Variants in FKBP15 observed in about 807,000 individuals in gnomAD.
FKBP15 encodes the protein FKBP prolyl isomerase family member 15.
In FKBP15, 106 loss-of-function variants were observed where a neutral mutation model predicts 158.1. The observed-to-expected ratio is 0.67, with a 90% CI of 0.57 to 0.79. The LOEUF (loss-of-function observed/expected upper bound fraction) is 0.79, where lower values mean the gene tolerates loss of function less well. Ranked by LOEUF, FKBP15 falls within the 30% of genes least tolerant of loss-of-function variation. The pLI is 0.00. For synonymous variants in FKBP15, 547 were observed against 548.6 expected, an observed-to-expected ratio of 1.00 and a Z score of 0.04; for missense variants, 1,287 against 1,479.1, an observed-to-expected ratio of 0.87 and a Z score of 2.13.
Position 113,199,897 on chromosome 9 carries a change from C to T in FKBP15, c.565G>A (p.Ala189Thr). 6.2e-7 allele frequency: 1 copy of T among 1,613,346 alleles called. No homozygotes were observed. The highest frequency in any genetic ancestry group is 1.3e-5 in the African/African-American group (1 of 75,030). ...CCAACTTCTACAGCAGGGCCGTCTGCCACAATGAGGTCCTGGGAGAGCACT... is the reference window on the plus strand; with the variant it reads ...CCAACTTCTACAGCAGGGCCGTCTGTCACAATGAGGTCCTGGGAGAGCACT... ...DAVLSQDLIV[A>T]DGPAVEVGDS... The change falls in exon 7 of 28, where the codon GCA (alanine) becomes ACA (threonine). Residue 189 changes from alanine to threonine, a missense_variant. Transcript: ENST00000238256.
Position 113,184,479 on chromosome 9 carries a change from G to T in FKBP15, c.1609-80C>A. ...AATTTACCCAAGATTTGACCCTGTTGTTAAGGGGGTTAATGAGTTCCTGGG... is the reference window on the plus strand; with the variant it reads ...AATTTACCCAAGATTTGACCCTGTTTTTAAGGGGGTTAATGAGTTCCTGGG... On this transcript the variant is annotated intron_variant, in intron 16 of 27. Transcript: ENST00000238256. The surrounding 1 kb of genome is among the most constrained non-coding windows in gnomAD (Gnocchi z 4.5). 8.6e-7 allele frequency: 1 copy of T among 1,162,710 alleles called. No individual in the cohort carries two copies. The highest frequency in any genetic ancestry group is 1.3e-6 in the Non-Finnish European group (1 of 796,808). The allele number at this position is 1,162,710 out of a possible 1,614,324, so 72.0% of individuals were successfully genotyped here.
chr9:113,183,299 C>T (rs1455602420), intron 18 of FKBP15, among the ~76,000 whole-genome samples: 1 of 152,036 alleles, frequency 6.6e-6, no homozygotes, highest in Non-Finnish European at 1.5e-5. Context: ...CCTCCCCACC[C>T]ACCCCTCCAA....
chr9:113,165,175 CT>C lies in FKBP15; in HGVS notation c.*902del, dbSNP rs1830079329. Reference sequence around the variant, plus strand: ...ATGAGTTCTAAGGGAATGGAAGCTGCTCTCAAAGTGAAGAATCCCTCAGGTG... The same window carrying C: ...ATGAGTTCTAAGGGAATGGAAGCTGCCTCAAAGTGAAGAATCCCTCAGGTG... On this transcript the variant is annotated 3_prime_UTR_variant, in exon 28 of 28. Transcript: ENST00000238256. 1 of 152,152 alleles carries C rather than the reference CT, an allele frequency of 6.6e-6. No individual in the cohort carries two copies. Among genetic ancestry groups the C allele is most frequent in the Admixed American group, 6.5e-5 (1 of 15,278 alleles). The allele number at this position is 152,152 out of a possible 1,614,324, so 9.4% of individuals were successfully genotyped here. A position where few individuals can be genotyped will look rare whatever the true frequency, so the allele number is the denominator to read the frequency against.
chr9:113,194,167 C>A lies in FKBP15; in HGVS notation c.867G>T (p.Val289=). ...ILVFEVEVRR[V]KFARDSGSDG... ...CAGAGCCAGAATCTCTGGCAAACTT[C>A]ACCTAAGGAAACACCGCATATTCTC... The change falls in exon 10 of 28, where the codon GTG becomes GTT. Residue 289 remains valine (V), a splice_region_variant and synonymous_variant. Coordinates refer to ENST00000238256, the MANE Select transcript of FKBP15 (RefSeq NM_015258.2). 6.2e-7 allele frequency: 1 copy of A among 1,606,366 alleles called. No individual in the cohort carries two copies. Among genetic ancestry groups the A allele is most frequent in the Non-Finnish European group, 8.5e-7 (1 of 1,175,642 alleles).
rs776093166 is a variant in FKBP15, at chr9:113,174,578, G to A, written c.2229C>T (p.Leu743=). 15 of 1,613,624 alleles carry A rather than the reference G, an allele frequency of 9.3e-6. No homozygotes were observed. In the South Asian group the frequency reaches 1.6e-4, roughly 18 times the overall value. Residue 743 remains leucine (L), a synonymous_variant, in exon 22 of 28, where the codon CTC becomes CTT. Transcript: ENST00000238256. ...RVEKESLEKN[L]SERKKKSAQE... ...GAGCTGACTTCTTTTTCCTTTCTGA[G>A]AGGTTCTTAGGAACAAGAGAACCAT...
chr9:113,202,685 A>G (rs1830816649), intron 5 of FKBP15, 56 bp from the exon 6 acceptor site: 1 of 1,366,382 alleles, frequency 7.3e-7, no homozygotes. Context: ...CCAGATAAAC[A>G]TGACGGCCTA....
intron 2 of FKBP15, among the ~76,000 whole-genome samples, chr9:113,210,426 G>A (rs1193556378): frequency 2.1e-5 from 3 of 141,978 alleles, no homozygotes; most frequent in Non-Finnish European, 4.5e-5. Flanking sequence ...TCCGCCTCCC[G>A]GCTTCAAGCA....
chr9:113,162,835 A>G lies in FKBP15; in HGVS notation c.*3243T>C, dbSNP rs1036842030. The stretch of plus-strand genomic sequence containing the variant: ...TTCATCATGCTGGCCGTAATGTCCT[A>G]CAACACCTGGATTTTCCTTGGTGTG... On this transcript the variant is annotated 3_prime_UTR_variant, in exon 28 of 28. Transcript: ENST00000238256. 1 of 1,613,764 alleles carries G rather than the reference A, an allele frequency of 6.2e-7. No individual in the cohort carries two copies. Among genetic ancestry groups the G allele is most frequent in the South Asian group, 1.1e-5 (1 of 91,064 alleles).
intron 1 of FKBP15, among the ~76,000 whole-genome samples, chr9:113,220,114 T>C (rs1385008428): frequency 6.6e-6 from 1 of 152,240 alleles, no homozygotes; most frequent in Non-Finnish European, 1.5e-5. Flanking sequence ...ACTGAGTATT[T>C]GTGGTTGCAA....
intron 4 of FKBP15, chr9:113,206,159 CTT>C (rs1259939116): frequency 4.7e-6 from 1 of 212,622 alleles, no homozygotes; most frequent in African/African-American, 2.3e-5. Context: ...CAAATTTTAT[CTT>C]ATATATACAT....
At chr9:113,201,227 C>T (rs7029139) in intron 6 of FKBP15, among the ~76,000 whole-genome samples, 34,657 of 151,430 alleles carry the variant, frequency 0.23, 4,699 homozygotes, top group African/African-American at 0.36. Context: ...AAGCAGTGTG[C>T]CAAAGTGTAT....
chr9:113,192,731 A>G (rs1410687714), intron 11 of FKBP15, among the ~76,000 whole-genome samples: 3 of 152,210 alleles, frequency 2.0e-5, no homozygotes, highest in Non-Finnish European at 4.4e-5. Context: ...CTCCATAGGC[A>G]TTATTTTATT....
rs1311604151 is a variant in FKBP15, at chr9:113,169,733, G to A, written c.2976C>T (p.Val992=). 1.2e-6 allele frequency: 2 copies of A among 1,613,216 alleles called. No homozygotes were observed. Among genetic ancestry groups the A allele is most frequent in the Non-Finnish European group, 1.7e-6 (2 of 1,179,618 alleles). The change falls in exon 26 of 28, where the codon GTC becomes GTT. Residue 992 remains valine, a synonymous_variant. Transcript: ENST00000238256. ...VPSEQVVEEA[V]PLPPQALTTS... ...TGGTGAGGGCCTGAGGAGGCAACGG[G>A]ACAGCTTCCTCGACCACCTGCTCTG...
At chr9:113,186,997 T>A (rs1042791259) in intron 14 of FKBP15, 7 of 152,226 alleles carry the variant, frequency 4.6e-5, no homozygotes, top group Admixed American at 2.6e-4. Context: ...TTAATGAGGA[T>A]GGTAATTCTT....
At chr9:113,185,990 A>G (rs911090015) in intron 15 of FKBP15, among the ~76,000 whole-genome samples, 3 of 152,238 alleles carry the variant, frequency 2.0e-5, no homozygotes, top group Non-Finnish European at 4.4e-5. Flanking sequence ...GGACACAAGG[A>G]AACATTGGGG....
chr9:113,204,952 G>A (rs1357790805), intron 4 of FKBP15, among the ~76,000 whole-genome samples: 3 of 152,148 alleles, frequency 2.0e-5, no homozygotes, highest in South Asian at 2.1e-4. Flanking sequence ...TTATTTGTGA[G>A]TCTGCTCCTA....
chr9:113,171,093 T>G (rs1469491668), intron 24 of FKBP15, among the ~76,000 whole-genome samples: 1 of 152,216 alleles, frequency 6.6e-6, no homozygotes. Flanking sequence ...AAGTATGTAT[T>G]TGTTTGTTTT....
intron 18 of FKBP15, 30 bp downstream of exon 18, chr9:113,183,721 A>C: frequency 6.7e-7 from 1 of 1,494,400 alleles, no homozygotes; most frequent in Non-Finnish European, 9.3e-7. Context: ...CCTTTTGTCC[A>C]TCCTAGCCAG....
intron 9 of FKBP15, among the ~76,000 whole-genome samples, 186 bp downstream of exon 9, chr9:113,196,746 A>G (rs927628402): frequency 6.6e-5 from 10 of 152,210 alleles, no homozygotes; most frequent in Non-Finnish European, 1.0e-4. Context: ...CAGGAAGGAC[A>G]TAATACTTTG....
Sources: allele counts gnomAD v4.1 joint callset (sites outside exome capture counted in the v4.1 genomes callset), GRCh38; gene constraint gnomAD v4.1.1; non-coding constraint Gnocchi (gnomAD v3.1); transcripts MANE v1.5; gene names NCBI Gene and HGNC (gene_info 2026-07-23, HGNC 2026-07-21).